AKAP11: variants seen among roughly 807,000 people sequenced by gnomAD.
AKAP11 encodes the protein A-kinase anchor protein 11.
A neutral mutation model predicts 146.1 loss-of-function variants in AKAP11; 36 were observed. The observed-to-expected ratio is 0.25, with a 90% confidence interval of 0.19 to 0.33. The LOEUF (loss-of-function observed/expected upper bound fraction) is 0.33, where lower values mean the gene tolerates loss of function less well. Ranked by LOEUF, AKAP11 falls within the 10% of genes least tolerant of loss-of-function variation. The pLI is 1.00. For synonymous variants in AKAP11, 780 were observed against 786.5 expected (o/e 0.99, Z 0.14); for missense variants, 2,201 against 2,197.0 (o/e 1.00, Z -0.04).
Position 42,299,831 on chromosome 13 carries a change from T to C in AKAP11, c.1085T>C (p.Phe362Ser), listed in dbSNP as rs759180890. The change falls in exon 8 of 13, where the codon TTT (phenylalanine) becomes TCT (serine). Residue 362 changes from phenylalanine (F) to serine (S), a missense_variant. Phe to Ser is a radical substitution (Grantham distance 155). Transcript: ENST00000025301. ...VSEFFDSFDQFDELEQTLETC... is the reference protein window; with the variant it reads ...VSEFFDSFDQSDELEQTLETC... ...GAATTTTTTGATAGTTTTGATCAGT[T>C]TGATGAACTAGAACAAACTTTAGAG... is the stretch of plus-strand genomic sequence containing the variant. 3 of 1,613,846 alleles carry C rather than the reference T, an allele frequency of 1.9e-6. No homozygotes were observed. Among genetic ancestry groups the C allele is most frequent in the East Asian group, 4.5e-5 (2 of 44,886 alleles).
At position 42,302,356 on chromosome 13, in the gene AKAP11, A is replaced by G. The variant is rs779651839; in HGVS notation, c.3610A>G (p.Thr1204Ala). 2 of 1,614,180 alleles carry G rather than the reference A, an allele frequency of 1.2e-6. No homozygotes were observed. The highest frequency in any genetic ancestry group is 1.7e-5 in the Admixed American group (1 of 60,024). ...GGTTCAGTTTGCAGAAGCATTAGCT[A>G]CACACATCCTTTCTCTTGCAACTGA... is the stretch of plus-strand genomic sequence containing the variant. Reference protein sequence around the residue: ...KKVQFAEALATHILSLATEMA... With the variant: ...KKVQFAEALAAHILSLATEMA... Residue 1204 changes from threonine (T) to alanine (A), a missense_variant, in exon 8 of 13, where the codon ACA becomes GCA. Thr to Ala is a moderately conservative substitution (Grantham distance 58). Coordinates refer to ENST00000025301, the MANE Select transcript of AKAP11 (RefSeq NM_016248.4).
Position 42,303,490 on chromosome 13 carries a change from C to G in AKAP11, c.4744C>G (p.Leu1582Val). Reference protein sequence around the residue: ...RVTYAEKLSPLTGQACRYCDL... With the variant: ...RVTYAEKLSPVTGQACRYCDL... ...CACTTATGCAGAAAAGTTGTCACCTCTTACAGGTCAAGCTTGCAGATACTG... is the reference window on the plus strand; with the variant it reads ...CACTTATGCAGAAAAGTTGTCACCTGTTACAGGTCAAGCTTGCAGATACTG... The change falls in exon 8 of 13, where the codon CTT (leucine) becomes GTT (valine). Residue 1582 changes from leucine to valine, a missense_variant. Transcript: ENST00000025301. 1 of 1,614,216 alleles carries G rather than the reference C, an allele frequency of 6.2e-7. No homozygotes were observed. Among genetic ancestry groups the G allele is most frequent in the Non-Finnish European group, 8.5e-7 (1 of 1,180,032 alleles).
At chr13:42,272,578 C>T (rs772522734) in intron 1 of AKAP11, among the ~76,000 whole-genome samples, 1 of 152,092 alleles carries the variant, frequency 6.6e-6, no homozygotes, top group African/African-American at 2.4e-5. Flanking sequence ...CAGAGACGGC[C>T]CCCCGGGTGC....
At position 42,300,571 on chromosome 13, in the gene AKAP11, G is replaced by A; in HGVS notation, c.1825G>A (p.Glu609Lys). The change falls in exon 8 of 13, where the codon GAA (glutamate) becomes AAA (lysine). Residue 609 changes from glutamate to lysine, a missense_variant. Transcript: ENST00000025301. ...AAGGCAGCGTGCATTTTCACTAAAA[G>A]AACGTGCCATTAGTGGCCTGGCTAA... is the stretch of plus-strand genomic sequence containing the variant. ...LRRQRAFSLK[E>K]RAISGLANFL... 6.2e-7 allele frequency: 1 copy of A among 1,613,994 alleles called. No homozygotes were observed. Among genetic ancestry groups the A allele is most frequent in the Non-Finnish European group, 8.5e-7 (1 of 1,179,906 alleles).
At chr13:42,287,588 A>G (rs1015532714) in intron 3 of AKAP11, among the ~76,000 whole-genome samples, 2 of 152,090 alleles carry the variant, frequency 1.3e-5, no homozygotes, top group Non-Finnish European at 2.9e-5. Context: ...CTGGCCAATT[A>G]CATTTTAAAG....
Position 42,300,529 on chromosome 13 carries a change from G to A in AKAP11, c.1783G>A (p.Ala595Thr), listed in dbSNP as rs749127818. The change falls in exon 8 of 13, where the codon GCA (alanine) becomes ACA (threonine). Residue 595 changes from alanine (A) to threonine (T), a missense_variant. Coordinates refer to ENST00000025301, the MANE Select transcript of AKAP11 (RefSeq NM_016248.4). Reference sequence around the variant, plus strand: ...ATTGACATCATCTGTTTTGCAGATGGCATTTGATGAGCTGAGAAGGCAGCG... The same window carrying A: ...ATTGACATCATCTGTTTTGCAGATGACATTTGATGAGCTGAGAAGGCAGCG... Reference protein sequence around the residue: ...IKLTSSVLQMAFDELRRQRAF... With the variant: ...IKLTSSVLQMTFDELRRQRAF... 6.2e-7 allele frequency: 1 copy of A among 1,614,000 alleles called. No homozygotes were observed. The highest frequency in any genetic ancestry group is 1.7e-5 in the Admixed American group (1 of 60,000).
intron 1 of AKAP11, among the ~76,000 whole-genome samples, chr13:42,283,091 A>G (rs1386618731): frequency 6.6e-6 from 1 of 152,220 alleles, no homozygotes; most frequent in Non-Finnish European, 1.5e-5. Flanking sequence ...CAATCTTTGC[A>G]TCATTTCCAA....
chr13:42,271,734 G>A (rs903448384), upstream of AKAP11, among the ~76,000 whole-genome samples: 1 of 152,096 alleles, frequency 6.6e-6, no homozygotes, highest in African/African-American at 2.4e-5. Context: ...CAAGGCAACG[G>A]ACCAGGAAGC....
intron 1 of AKAP11, among the ~76,000 whole-genome samples, chr13:42,284,571 T>A (rs1959130270): frequency 6.6e-6 from 1 of 152,256 alleles, no homozygotes. Context: ...GTTTTGATAA[T>A]TTTTGGTCCA....
At chr13:42,280,350 A>G (rs1566254974) in intron 1 of AKAP11, among the ~76,000 whole-genome samples, 3 of 152,244 alleles carry the variant, frequency 2.0e-5, no homozygotes, top group Admixed American at 1.3e-4. Context: ...CATTTGGTCA[A>G]AATGTGTATT....
chr13:42,285,593 C>T (rs1959152674), intron 1 of AKAP11, among the ~76,000 whole-genome samples: 1 of 152,180 alleles, frequency 6.6e-6, no homozygotes, highest in Admixed American at 6.5e-5. Flanking sequence ...TGGTCAAATG[C>T]AGATACCGAG....
At chr13:42,304,655 C>G (rs151324345) in intron 8 of AKAP11, among the ~76,000 whole-genome samples, 1 of 152,170 alleles carries the variant, frequency 6.6e-6, no homozygotes, top group Non-Finnish European at 1.5e-5. Context: ...TACATACTTA[C>G]ACCATTTCTC....
chr13:42,310,821 T>G (rs1353284514), intron 9 of AKAP11, among the ~76,000 whole-genome samples: 1 of 150,712 alleles, frequency 6.6e-6, no homozygotes, highest in South Asian at 2.1e-4. Flanking sequence ...ATTGTGCCAC[T>G]GTACTCCATC....
rs1339893338 is a variant in AKAP11 at position 42,299,749 on chromosome 13, C to G, written c.1003C>G (p.Leu335Val). The change falls in exon 8 of 13, where the codon CTG becomes GTG. Residue 335 changes from leucine to valine, a missense_variant. Transcript: ENST00000025301. ...AAAAAGCTTAAAAGCAAAACTTGAG[C>G]TGCCTAAAATTCCTGTGATGAAAGA... ...YQKSLKAKLE[L>V]PKIPVMKDDI... 1 of 1,613,930 alleles carries G rather than the reference C, an allele frequency of 6.2e-7. No individual in the cohort carries two copies. The highest frequency in any genetic ancestry group is 8.5e-7 in the Non-Finnish European group (1 of 1,179,880).
At chr13:42,280,335 T>G (rs1008601339) in intron 1 of AKAP11, among the ~76,000 whole-genome samples, 1 of 152,230 alleles carries the variant, frequency 6.6e-6, no homozygotes, top group Admixed American at 6.5e-5. Flanking sequence ...CACTTGGCCA[T>G]TTGGCATTTG....
chr13:42,276,224 C>CT (rs1481937768), intron 1 of AKAP11, among the ~76,000 whole-genome samples: 1 of 151,870 alleles, frequency 6.6e-6, no homozygotes, highest in Non-Finnish European at 1.5e-5. Context: ...ATTTTTAGTT[C>CT]TTTTTTTGGG....
At chr13:42,280,537 C>A (rs118061276) in intron 1 of AKAP11, among the ~76,000 whole-genome samples, 3,475 of 152,258 alleles carry the variant, frequency 0.023, 60 homozygotes, top group Non-Finnish European at 0.034. Flanking sequence ...GAACTTTGTT[C>A]TTTAAATATG....
Position 42,301,842 on chromosome 13 carries a change from G to T in AKAP11, c.3096G>T (p.Gln1032His). 1 of 1,614,176 alleles carries T rather than the reference G, an allele frequency of 6.2e-7. No homozygotes were observed. Reference protein sequence around the residue: ...TLPSCPAVTGQKSDLKESAKD... With the variant: ...TLPSCPAVTGHKSDLKESAKD... ...CATCTTGTCCAGCTGTGACAGGTCA[G>T]AAATCTGACTTGAAGGAATCTGCTA... The change falls in exon 8 of 13, where the codon CAG (glutamine) becomes CAT (histidine). Residue 1032 changes from glutamine (Q) to histidine (H), a missense_variant. By Grantham distance (24) the Gln-to-His change is conservative (BLOSUM62 0). Transcript: ENST00000025301.
chr13:42,311,874 A>G (rs1960582842), intron 9 of AKAP11, among the ~76,000 whole-genome samples: 2 of 152,272 alleles, frequency 1.3e-5, no homozygotes, highest in African/African-American at 4.8e-5. Context: ...ACATATGTTA[A>G]AAAGACCCTG....
Sources: gnomAD v4.1 joint callset for allele counts (sites outside exome capture counted in the v4.1 genomes callset) on GRCh38, gnomAD v4.1.1 for gene constraint, MANE v1.5 for transcripts, NCBI Gene and HGNC (gene_info 2026-07-23, HGNC 2026-07-21) for gene names.